FRMPD2: variants seen among roughly 807,000 people sequenced by gnomAD.
FRMPD2 encodes FERM and PDZ domain containing 2.
Under a neutral mutation model 140.1 loss-of-function variants are expected in FRMPD2, and 96 were observed. The observed-to-expected ratio is 0.69, with a 90% CI of 0.58 to 0.81. The LOEUF (loss-of-function observed/expected upper bound fraction) is 0.81, where lower values mean the gene tolerates loss of function less well. FRMPD2 is among the 40% of genes least tolerant of loss of function. The pLI is 0.00. For synonymous variants in FRMPD2, 449 were observed against 547.6 expected (o/e 0.82, Z 2.52); for missense variants, 1,240 against 1,447.4 (o/e 0.86, Z 2.32).
intron 17 of FRMPD2, among the ~76,000 whole-genome samples, 168 bp from the exon 18 acceptor site, chr10:48,185,813 T>C (rs1031508337): frequency 6.6e-6 from 1 of 152,204 alleles, no homozygotes; most frequent in African/African-American, 2.4e-5. Flanking sequence ...GTGCTGGGAA[T>C]GGACACCTGA....
chr10:48,263,061 C>T (rs1017452520), intron 1 of FRMPD2, among the ~76,000 whole-genome samples: 2 of 151,934 alleles, frequency 1.3e-5, no homozygotes, highest in East Asian at 3.9e-4. Flanking sequence ...CACTTCTAAA[C>T]AGCAAATGGG....
chr10:48,234,726 C>A (rs560014995), intron 9 of FRMPD2, among the ~76,000 whole-genome samples: 3 of 152,274 alleles, frequency 2.0e-5, no homozygotes, highest in East Asian at 3.9e-4. Context: ...CTTCTTGCAT[C>A]TTCCTAGAGG....
chr10:48,216,849 T>C (rs1839462262), intron 12 of FRMPD2, among the ~76,000 whole-genome samples: 1 of 152,196 alleles, frequency 6.6e-6, no homozygotes. Flanking sequence ...CACTCCTGGC[T>C]TAGAGCACCC....
intron 12 of FRMPD2, among the ~76,000 whole-genome samples, chr10:48,216,969 G>C (rs545910593): frequency 6.6e-6 from 1 of 152,304 alleles, no homozygotes; most frequent in South Asian, 2.1e-4. Context: ...AGCAGTGACA[G>C]GGATTGTCAA....
chr10:48,229,268 T>G (rs1839796523), intron 10 of FRMPD2, among the ~76,000 whole-genome samples: 1 of 152,142 alleles, frequency 6.6e-6, no homozygotes, highest in African/African-American at 2.4e-5. Flanking sequence ...AGAGCTAAGT[T>G]TTGACCATTA....
At chr10:48,177,844 C>T (rs1256288180) in intron 22 of FRMPD2, 1 of 449,378 alleles carries the variant, frequency 2.2e-6, no homozygotes, top group Non-Finnish European at 4.3e-6. Context: ...TAGTGCATGC[C>T]CTGCTCATCC....
At chr10:48,175,057 A>T (rs1315505753) in intron 23 of FRMPD2, 102 bp from the exon 24 acceptor site, 1 of 565,994 alleles carries the variant, frequency 1.8e-6, no homozygotes, top group African/African-American at 2.0e-5. Context: ...CAGCCTGGAG[A>T]AGTGGGAAAG....
chr10:48,220,848 T>A (rs868623861), intron 12 of FRMPD2, among the ~76,000 whole-genome samples: 1 of 152,220 alleles, frequency 6.6e-6, no homozygotes. Flanking sequence ...ATGCTCCACA[T>A]CACTAATGAT....
chr10:48,217,991 C>A (rs1294836033), intron 12 of FRMPD2, among the ~76,000 whole-genome samples: 3 of 152,232 alleles, frequency 2.0e-5, no homozygotes, highest in African/African-American at 7.2e-5. Flanking sequence ...TTCATTTTCT[C>A]ATAGTTCTGG....
chr10:48,206,715 G>T (rs748202100), intron 14 of FRMPD2, 33 bp downstream of exon 14: 2 of 1,576,032 alleles, frequency 1.3e-6, no homozygotes, highest in African/African-American at 2.7e-5. Flanking sequence ...GGAAAATGAA[G>T]TGCAGGTTAT....
chr10:48,266,933 G>T (rs903833861), intron 1 of FRMPD2, among the ~76,000 whole-genome samples: 18 of 152,216 alleles, frequency 1.2e-4, no homozygotes, highest in African/African-American at 4.1e-4. Flanking sequence ...CCTAGCAAGG[G>T]TGGTGTCAGC....
At chr10:48,261,877 C>T (rs1840596982) in intron 1 of FRMPD2, among the ~76,000 whole-genome samples, 1 of 152,128 alleles carries the variant, frequency 6.6e-6, no homozygotes, top group Admixed American at 6.5e-5. Flanking sequence ...CTGTACTACA[C>T]ATGAGCTATT....
rs118101536 is a variant in FRMPD2, at chr10:48,270,301, C to A, written c.25+4242G>T. Among the ~76,000 whole-genome samples the A allele has an allele frequency of 3.4e-4, 51 of 152,206 alleles. 1 individual carries two copies. In the East Asian group the frequency reaches 9.5e-3, roughly 28 times the overall value. On this transcript the variant is annotated intron_variant, in intron 1 of 28. Transcript: ENST00000374201. ...CAATGACACTGTTCCTCTCAGAGAC[C>A]TTACTTATGTGTGGCCAATTTGCGA...
intron 15 of FRMPD2, among the ~76,000 whole-genome samples, chr10:48,200,246 C>CT (rs1392155678): frequency 6.6e-6 from 1 of 152,028 alleles, no homozygotes; most frequent in Non-Finnish European, 1.5e-5. Flanking sequence ...CACAGGTACT[C>CT]TGAGTTCCTT....
chr10:48,185,591 A>G lies in FRMPD2; in HGVS notation c.2321T>C (p.Val774Ala). The G allele has an allele frequency of 2.5e-6, 4 of 1,614,158 alleles. No homozygotes were observed. Among genetic ancestry groups the G allele is most frequent in the Non-Finnish European group, 3.4e-6 (4 of 1,180,006 alleles). ...SFIAEPGREI[V>A]RVTLKRDPHR... is the part of the protein sequence containing the mutation. ...TGGGTCACGTTTCAGTGTCACACGT[A>G]CAATTTCTCGGCCCGGTTCAGCTAT... is the stretch of plus-strand genomic sequence containing the variant. Residue 774 changes from valine to alanine, a missense_variant, in exon 18 of 29, where the codon GTA becomes GCA. By Grantham distance (64) the Val-to-Ala change is moderately conservative. This residue lies in a region of FRMPD2 where 1,161 missense variants were observed against 1,055.9 expected (regional missense o/e 1.10). Transcript: ENST00000374201.
intron 21 of FRMPD2, among the ~76,000 whole-genome samples, chr10:48,179,716 G>C (rs1384163540): frequency 6.6e-6 from 1 of 151,844 alleles, no homozygotes; most frequent in Non-Finnish European, 1.5e-5. Flanking sequence ...CCCGACACTG[G>C]GCATAGTACC....
At chr10:48,267,308 G>T (rs1449604206) in intron 1 of FRMPD2, among the ~76,000 whole-genome samples, 4 of 152,028 alleles carry the variant, frequency 2.6e-5, no homozygotes, top group African/African-American at 9.7e-5. Flanking sequence ...ACATAGAAAG[G>T]CTCAACAAAG....
intron 4 of FRMPD2, among the ~76,000 whole-genome samples, chr10:48,243,438 C>T (rs1308218764): frequency 6.6e-6 from 1 of 152,110 alleles, no homozygotes; most frequent in African/African-American, 2.4e-5. Context: ...AGGACAGGGG[C>T]CTGGGGGAAA....
At chr10:48,262,495 T>C (rs1050059478) in intron 1 of FRMPD2, among the ~76,000 whole-genome samples, 1 of 152,050 alleles carries the variant, frequency 6.6e-6, no homozygotes, top group African/African-American at 2.4e-5. Context: ...ATACATGACA[T>C]AAAAACTGGT....
Sources: allele counts gnomAD v4.1 joint callset (sites outside exome capture counted in the v4.1 genomes callset), GRCh38; gene constraint gnomAD v4.1.1; regional missense constraint gnomAD v4.1.1; transcripts MANE v1.5; gene names NCBI Gene and HGNC (gene_info 2026-07-23, HGNC 2026-07-21).